OTOGL: variants seen among roughly 807,000 people sequenced by gnomAD.
OTOGL encodes otogelin-like protein.
Under a neutral mutation model 318.5 loss-of-function variants are expected in OTOGL, and 285 were observed. That is an observed-to-expected ratio of 0.89 (90% CI 0.81 to 0.99). The LOEUF (loss-of-function observed/expected upper bound fraction) is 0.99, where lower values mean the gene tolerates loss of function less well. OTOGL is among the 50% of genes least tolerant of loss of function. The pLI is 0.00. For synonymous variants in OTOGL, 987 were observed against 936.5 expected, an observed-to-expected ratio of 1.05 and a Z score of -0.99; for missense variants, 2,899 against 2,845.6, an observed-to-expected ratio of 1.02 and a Z score of -0.43.
intron 57 of OTOGL, among the ~76,000 whole-genome samples, chr12:80,372,444 T>C (rs535118544): frequency 4.2e-4 from 64 of 152,298 alleles, no homozygotes; most frequent in African/African-American, 1.5e-3. Context: ...GTTTGAACCA[T>C]GCTGAACTTA....
intron 26 of OTOGL, among the ~76,000 whole-genome samples, chr12:80,281,924 C>T (rs1273161100): frequency 6.6e-6 from 1 of 151,688 alleles, no homozygotes; most frequent in Non-Finnish European, 1.5e-5. Context: ...ATAAATATAA[C>T]ACATTAAACC....
At position 80,232,942 on chromosome 12, in the gene OTOGL, A is replaced by G. The variant is rs1368272663; in HGVS notation, c.662A>G (p.Asp221Gly). ...CAGATTTTCATTGAGAAACTAGCTG[A>G]CTACATTCTTGTGAAAACAACCTTT... ...IGQIFIEKLA[D>G]YILVKTTFGF... Residue 221 changes from aspartate to glycine, a missense_variant, in exon 9 of 59, where the codon GAC becomes GGC. Asp to Gly is a moderately conservative substitution (Grantham distance 94, BLOSUM62 -1). Coordinates refer to ENST00000547103, the MANE Select transcript of OTOGL (RefSeq NM_001378609.3). 1 of 1,599,234 alleles carries G rather than the reference A, an allele frequency of 6.3e-7. No individual in the cohort carries two copies. The highest frequency in any genetic ancestry group is 8.5e-7 in the Non-Finnish European group (1 of 1,179,672).
At position 80,173,527 on chromosome 12, in the gene OTOGL, C is replaced by T. The variant is rs1592517815; in HGVS notation, c.-19-35886C>T. ...GAGGATGACTGGAGGTCACTTTCAT[C>T]GCCATCTTGGTTTTGGTAGGTTTTG... On this transcript the variant is annotated intron_variant, in intron 1 of 58. Transcript: ENST00000547103. Among the ~76,000 whole-genome samples the T allele has an allele frequency of 2.6e-5, 4 of 152,144 alleles. No individual in the cohort carries two copies. In the South Asian group the frequency reaches 6.2e-4, roughly 24 times the overall value.
rs768841460 is a variant in OTOGL at position 80,356,373 on chromosome 12, TAGTTGTGTTCACTAATATTTTAAC to T, written c.5807-38_5807-15del. 4.1e-6 allele frequency: 6 copies of T among 1,473,454 alleles called. No homozygotes were observed. The Admixed American group carries it at 1.1e-4, about 26-fold the overall frequency. The allele number at this position is 1,473,454 out of a possible 1,614,324, so 91.3% of individuals were successfully genotyped here. A position where few individuals can be genotyped will look rare whatever the true frequency, so the allele number is the denominator to read the frequency against. On this transcript the variant is annotated intron_variant, in intron 47 of 58. Coordinates refer to ENST00000547103, the MANE Select transcript of OTOGL (RefSeq NM_001378609.3). Reference sequence around the variant, plus strand: ...TTCCCTGCTTTGAGTTGGCAGATTTTAGTTGTGTTCACTAATATTTTAACAGTTTTTCTTATTTATAGGATGTGA... The same window carrying T: ...TTCCCTGCTTTGAGTTGGCAGATTTTAGTTTTTCTTATTTATAGGATGTGA...
At chr12:80,118,611 A>G (rs1202131832) in intron 1 of OTOGL, among the ~76,000 whole-genome samples, 3 of 152,210 alleles carry the variant, frequency 2.0e-5, no homozygotes, top group Non-Finnish European at 4.4e-5. Flanking sequence ...GTAATGTGAA[A>G]TATGGTTTAA....
chr12:80,200,640 A>G (rs899404541), intron 1 of OTOGL, among the ~76,000 whole-genome samples: 6 of 152,198 alleles, frequency 3.9e-5, no homozygotes, highest in African/African-American at 1.2e-4. Flanking sequence ...AGCTTCGTCT[A>G]TTGGATTGAG....
intron 24 of OTOGL, among the ~76,000 whole-genome samples, chr12:80,272,689 A>G (rs1883506762): frequency 6.6e-6 from 1 of 152,078 alleles, no homozygotes; most frequent in Non-Finnish European, 1.5e-5. Context: ...AGGGGCAAAG[A>G]AGAGCGAGGT....
At chr12:80,158,854 G>A (rs1206901692) in intron 1 of OTOGL, among the ~76,000 whole-genome samples, 1 of 151,980 alleles carries the variant, frequency 6.6e-6, no homozygotes, top group Non-Finnish European at 1.5e-5. Flanking sequence ...CTCTGGCTAG[G>A]ACTTCCAGTA....
chr12:80,313,373 C>T lies in OTOGL; in HGVS notation c.3451-103C>T, dbSNP rs1037335. 0.65 allele frequency: 731,817 copies of T among 1,126,276 alleles called. 245,685 individuals carry two copies. The highest frequency in any genetic ancestry group is 0.92 in the East Asian group (35,527 of 38,808). The allele number at this position is 1,126,276 out of a possible 1,614,324, so 69.8% of individuals were successfully genotyped here. A position where few individuals can be genotyped will look rare whatever the true frequency, so the allele number is the denominator to read the frequency against. On this transcript the variant is annotated intron_variant, in intron 30 of 58. Transcript: ENST00000547103. ...GAACTCTCTAGGTGGCAGTGTTAAG[C>T]TGATAATATCAAACTTTGAAAACAC...
intron 44 of OTOGL, among the ~76,000 whole-genome samples, chr12:80,351,952 A>G (rs1313402269): frequency 2.6e-5 from 4 of 152,206 alleles, no homozygotes; most frequent in East Asian, 1.9e-4. Context: ...TGAGCTTCCA[A>G]TTTAATCTAT....
chr12:80,254,116 A>G (rs1040026484), intron 14 of OTOGL, among the ~76,000 whole-genome samples: 11 of 152,088 alleles, frequency 7.2e-5, no homozygotes, highest in African/African-American at 2.7e-4. Context: ...TCAGATGCTG[A>G]TTCTGTTTCC....
At chr12:80,207,986 A>G (rs1876938434) in intron 1 of OTOGL, among the ~76,000 whole-genome samples, 2 of 152,190 alleles carry the variant, frequency 1.3e-5, no homozygotes, top group South Asian at 4.1e-4. Context: ...CTTTTAATAA[A>G]TAATATTAAA....
intron 1 of OTOGL, among the ~76,000 whole-genome samples, chr12:80,115,628 C>T (rs1293107970): frequency 6.6e-6 from 1 of 152,234 alleles, no homozygotes; most frequent in African/African-American, 2.4e-5. Context: ...ACATTTAAGT[C>T]TGCTGAAGCT....
chr12:80,310,952 C>A (rs552199985), intron 30 of OTOGL, among the ~76,000 whole-genome samples: 1 of 152,242 alleles, frequency 6.6e-6, no homozygotes, highest in South Asian at 2.1e-4. Flanking sequence ...TACCTTTGTA[C>A]GTATTTGTAA....
chr12:80,284,631 G>GA (rs1269665913), intron 26 of OTOGL, among the ~76,000 whole-genome samples: 1 of 152,146 alleles, frequency 6.6e-6, no homozygotes, highest in East Asian at 1.9e-4. Context: ...AATGACCAGC[G>GA]ATGATGAGCT....
chr12:80,103,121 G>A, intron 1 of OTOGL: 1 of 1,110,642 alleles, frequency 9.0e-7, no homozygotes, highest in Non-Finnish European at 1.4e-6. Flanking sequence ...TGTAAACCTG[G>A]ACCACTTTGC....
Position 80,255,023 on chromosome 12 carries a change from C to CTTTTTTTTTTTTTTT in OTOGL, c.1442-6_1442-5insTTTTTTTTTTTTTTT. The CTTTTTTTTTTTTTTT allele has an allele frequency of 9.4e-7, 1 of 1,058,706 alleles. No homozygotes were observed. The highest frequency in any genetic ancestry group is 1.3e-6 in the Non-Finnish European group (1 of 795,434). The allele number at this position is 1,058,706 out of a possible 1,614,324, so 65.6% of individuals were successfully genotyped here. A position where few individuals can be genotyped will look rare whatever the true frequency, so the allele number is the denominator to read the frequency against. ...ACCTCCTTTTCTTTTTCTTTGTTTT[C>CTTTTTTTTTTTTTTT]TTTTTTTTTTTGGCAGTTCAATGCT... is the stretch of plus-strand genomic sequence containing the variant. On this transcript the variant is annotated splice_polypyrimidine_tract_variant and intron_variant, in intron 15 of 58. Coordinates refer to ENST00000547103, the MANE Select transcript of OTOGL (RefSeq NM_001378609.3).
At chr12:80,322,541 A>G (rs1483474211) in intron 34 of OTOGL, among the ~76,000 whole-genome samples, 2 of 152,192 alleles carry the variant, frequency 1.3e-5, no homozygotes. Context: ...GCTTTCCAAA[A>G]AGACTTATTT....
At chr12:80,204,792 A>C (rs1468764306) in intron 1 of OTOGL, among the ~76,000 whole-genome samples, 1 of 152,140 alleles carries the variant, frequency 6.6e-6, no homozygotes, top group Non-Finnish European at 1.5e-5. Context: ...GGTTTACTTT[A>C]CTTTATGTTT....
Sources: gnomAD v4.1 joint callset for allele counts (sites outside exome capture counted in the v4.1 genomes callset) on GRCh38, gnomAD v4.1.1 for gene constraint, MANE v1.5 for transcripts, NCBI Gene and HGNC (gene_info 2026-07-23, HGNC 2026-07-21) for gene names.